PCDHA12: variants seen among roughly 807,000 people sequenced by gnomAD.
PCDHA12 encodes the protein protocadherin alpha 12.
A neutral mutation model predicts 60.0 loss-of-function variants in PCDHA12; 44 were observed. The ratio of observed to expected loss-of-function variants is 0.73; its 90% CI spans 0.58 to 0.94. The LOEUF is 0.94. Ranked by LOEUF, PCDHA12 falls within the 40% of genes least tolerant of loss-of-function variation. The pLI is 0.00. For synonymous variants in PCDHA12, 569 were observed against 553.0 expected (o/e 1.03, Z -0.40); for missense variants, 1,276 against 1,239.7 (o/e 1.03, Z -0.44).
rs371505360 is a variant in PCDHA12, at chr5:140,882,840, C to T, written c.2367+5001C>T. 3.2e-5 allele frequency: 51 copies of T among 1,614,214 alleles called. 1 individual carries two copies. The African/African-American group carries it at 5.6e-4, about 18-fold the overall frequency. ...CAAAACAGTCTTGAGCAAATGTCTTCATTATCACTTGTACTGAGGAAAACA... is the reference window on the plus strand; with the variant it reads ...CAAAACAGTCTTGAGCAAATGTCTTTATTATCACTTGTACTGAGGAAAACA... On this transcript the variant is annotated intron_variant, in intron 1 of 3. Transcript: ENST00000398631.
chr5:140,928,354 A>C (rs374655565), intron 1 of PCDHA12: 10 of 1,614,032 alleles, frequency 6.2e-6, no homozygotes, highest in African/African-American at 1.3e-5. Flanking sequence ...GTTGGATGTT[A>C]TCTCTGAAGG....
At chr5:140,927,725 C>CA in intron 1 of PCDHA12, 1 of 1,614,202 alleles carries the variant, frequency 6.2e-7, no homozygotes, top group Non-Finnish European at 8.5e-7. Context: ...AGCACGCAAG[C>CA]AGAGCTGCGA....
At chr5:140,930,420 A>T (rs996872425) in intron 1 of PCDHA12, 2 of 151,962 alleles carry the variant, frequency 1.3e-5, no homozygotes, top group Non-Finnish European at 2.9e-5. Context: ...CAGGGGTCTC[A>T]CTATGTTGCC....
chr5:140,941,206 T>TCTTC (rs201128549), intron 1 of PCDHA12, among the ~76,000 whole-genome samples: 3,670 of 95,482 alleles, frequency 0.038, 169 homozygotes, highest in African/African-American at 0.16. Flanking sequence ...TTTCTTCCTT[T>TCTTC]CTTTCTTCCT....
intron 1 of PCDHA12, among the ~76,000 whole-genome samples, chr5:140,894,606 T>C (rs1305424119): frequency 6.6e-6 from 1 of 152,022 alleles, no homozygotes; most frequent in Non-Finnish European, 1.5e-5. Context: ...CTCATCTCTC[T>C]TTTCAAAGCT....
Position 140,967,117 on chromosome 5 carries a change from C to T in PCDHA12, c.2368-11832C>T, listed in dbSNP as rs370329233. 7.4e-6 allele frequency: 12 copies of T among 1,612,904 alleles called. No individual in the cohort carries two copies. The East Asian group carries it at 1.6e-4, about 21-fold the overall frequency. On this transcript the variant is annotated intron_variant, in intron 1 of 3. Coordinates refer to ENST00000398631, the MANE Select transcript of PCDHA12 (RefSeq NM_018903.4). ...CGCTGTGTGAGCAGCGGCCTCGCTG[C>T]CTGCTCAGCTTGGAAGTGCTGGCGC...
chr5:140,995,233 G>A (rs1359304274), intron 3 of PCDHA12, among the ~76,000 whole-genome samples: 1 of 152,128 alleles, frequency 6.6e-6, no homozygotes, highest in Non-Finnish European at 1.5e-5. Flanking sequence ...TTTGGGGCCA[G>A]TATTAAGTAA....
chr5:140,997,866 TG>T (rs1554256038), intron 3 of PCDHA12, among the ~76,000 whole-genome samples: 1 of 152,216 alleles, frequency 6.6e-6, no homozygotes, highest in African/African-American at 2.4e-5. Context: ...TTCTTATGCA[TG>T]CTTGCTAGTA....
rs143580970 is a variant in PCDHA12, at chr5:140,976,476, G to A, written c.2368-2473G>A. ...TGGGGAAGAAGAATTGCTTGAATCC[G>A]GGAGGCAGAGGTTGCAGGGAGCCAA... On this transcript the variant is annotated intron_variant, in intron 1 of 3. Transcript: ENST00000398631. 8.2e-3 allele frequency among the ~76,000 whole-genome samples: 1,253 copies of A among 152,132 alleles called. 22 individuals carry two copies. The highest frequency in any genetic ancestry group is 0.028 in the African/African-American group (1,179 of 41,504).
intron 1 of PCDHA12, among the ~76,000 whole-genome samples, chr5:140,945,145 T>C (rs1310475283): frequency 2.6e-5 from 4 of 152,128 alleles, no homozygotes; most frequent in African/African-American, 2.4e-5. Flanking sequence ...CAATAGCATT[T>C]CTATACACTA....
chr5:140,886,127 C>T (rs1308479455), intron 1 of PCDHA12, among the ~76,000 whole-genome samples: 5 of 152,172 alleles, frequency 3.3e-5, no homozygotes, highest in African/African-American at 1.2e-4. Flanking sequence ...AGTTCCGTAA[C>T]AACCAGATTC....
chr5:140,999,332 T>TTATAA (rs1554256746), intron 3 of PCDHA12, among the ~76,000 whole-genome samples: 1 of 152,222 alleles, frequency 6.6e-6, no homozygotes, highest in Non-Finnish European at 1.5e-5. Flanking sequence ...TCTGTGTGAT[T>TTATAA]TATAAGCCTT....
chr5:140,986,566 TTA>T (rs782155316), intron 3 of PCDHA12, among the ~76,000 whole-genome samples: 3 of 152,114 alleles, frequency 2.0e-5, no homozygotes, highest in Non-Finnish European at 4.4e-5. Context: ...TTGTTATCTG[TTA>T]TTGGTTTTTC....
intron 1 of PCDHA12, among the ~76,000 whole-genome samples, chr5:140,906,586 C>G (rs1199094981): frequency 6.6e-6 from 1 of 152,218 alleles, no homozygotes; most frequent in African/African-American, 2.4e-5. Context: ...TGATGACTAC[C>G]TTCCTCTACT....
At position 140,939,517 on chromosome 5, in the gene PCDHA12, G is replaced by GACATTGTAGAATTATAGAATTCTACATAA. The variant is rs559604027; in HGVS notation, c.2368-39432_2368-39431insACATTGTAGAATTATAGAATTCTACATAA. 5.4e-3 allele frequency among the ~76,000 whole-genome samples: 825 copies of GACATTGTAGAATTATAGAATTCTACATAA among 152,166 alleles called. 3 individuals carry two copies. Among genetic ancestry groups the GACATTGTAGAATTATAGAATTCTACATAA allele is most frequent in the African/African-American group, 0.019 (794 of 41,518 alleles). On this transcript the variant is annotated intron_variant, in intron 1 of 3. Coordinates refer to ENST00000398631, the MANE Select transcript of PCDHA12 (RefSeq NM_018903.4). Reference sequence around the variant, plus strand: ...AAATTCAATGTCTATAACATTAATAGTTATAGAATTATACAGAGCCTCTAT... The same window carrying GACATTGTAGAATTATAGAATTCTACATAA: ...AAATTCAATGTCTATAACATTAATAGACATTGTAGAATTATAGAATTCTACATAATTATAGAATTATACAGAGCCTCTAT...
chr5:140,976,691 C>T (rs1219355793), intron 1 of PCDHA12, among the ~76,000 whole-genome samples: 1 of 152,126 alleles, frequency 6.6e-6, no homozygotes, highest in Non-Finnish European at 1.5e-5. Context: ...AATTTAAGTA[C>T]AATAATGTTG....
chr5:140,964,631 T>C (rs1415762552), intron 1 of PCDHA12, among the ~76,000 whole-genome samples: 1 of 152,074 alleles, frequency 6.6e-6, no homozygotes, highest in African/African-American at 2.4e-5. Flanking sequence ...ATAAGCCATT[T>C]ATTTTCAGAA....
chr5:140,984,692 C>T (rs1252057323), intron 3 of PCDHA12, among the ~76,000 whole-genome samples: 2 of 152,130 alleles, frequency 1.3e-5, no homozygotes, highest in Non-Finnish European at 2.9e-5. Context: ...ATATGTTCTG[C>T]ACTGCTTGGA....
At chr5:140,960,279 T>A (rs1220391317) in intron 1 of PCDHA12, among the ~76,000 whole-genome samples, 1 of 152,216 alleles carries the variant, frequency 6.6e-6, no homozygotes, top group African/African-American at 2.4e-5. Flanking sequence ...GTCACCTTTT[T>A]GGGACCCAGT....
Sources: gnomAD v4.1 joint callset for allele counts (sites outside exome capture counted in the v4.1 genomes callset) on GRCh38, gnomAD v4.1.1 for gene constraint, MANE v1.5 for transcripts, NCBI Gene and HGNC (gene_info 2026-07-23, HGNC 2026-07-21) for gene names.